Variants in IL1RAPL2 observed in about 807,000 individuals in gnomAD.
The protein encoded by IL1RAPL2 is X-linked interleukin-1 receptor accessory protein-like 2.
In IL1RAPL2, 3 loss-of-function variants were observed where a neutral mutation model predicts 44.1. The ratio of observed to expected loss-of-function variants is 0.07; its 90% CI spans 0.03 to 0.18. IL1RAPL2 has a LOEUF of 0.18. Among genes scored for constraint, IL1RAPL2 ranks in the 10% least tolerant of loss-of-function variants. IL1RAPL2 has a pLI of 1.00. For synonymous variants in IL1RAPL2, 181 were observed against 178.8 expected, an observed-to-expected ratio of 1.01 and a Z score of -0.10; for missense variants, 391 against 496.4, an observed-to-expected ratio of 0.79 and a Z score of 2.02.
chrX:104,568,772 C>G (rs1313726248), intron 1 of IL1RAPL2, among the ~76,000 whole-genome samples: 2 of 111,511 alleles, frequency 1.8e-5, no homozygotes, highest in Non-Finnish European at 3.8e-5. Flanking sequence ...ATTCCTGAGC[C>G]GAGGCTTCAG....
chrX:104,908,691 T>C (rs1464210265), intron 2 of IL1RAPL2, among the ~76,000 whole-genome samples: 1 of 110,859 alleles, frequency 9.0e-6, no homozygotes, highest in East Asian at 2.8e-4. Context: ...TCTGATGGGC[T>C]TCCCTTTGAG....
chrX:104,893,859 T>C (rs1923547783), intron 2 of IL1RAPL2, among the ~76,000 whole-genome samples: 1 of 112,108 alleles, frequency 8.9e-6, no homozygotes, highest in South Asian at 3.7e-4. Context: ...TGCTCATTAA[T>C]TGATGCAGTT....
At chrX:105,145,394 A>G (rs1472713530) in intron 2 of IL1RAPL2, among the ~76,000 whole-genome samples, 2 of 111,605 alleles carry the variant, frequency 1.8e-5, no homozygotes, top group African/African-American at 3.3e-5. Context: ...TGTTTCCTGT[A>G]GTCCCTAAAA....
intron 6 of IL1RAPL2, among the ~76,000 whole-genome samples, chrX:105,503,878 C>A (rs1459032124): frequency 9.0e-6 from 1 of 111,591 alleles, no homozygotes; most frequent in African/African-American, 3.3e-5. Context: ...CTTGTGTCTC[C>A]TTTTGTCTTC....
chrX:105,312,762 T>C (rs1006897004), intron 5 of IL1RAPL2, among the ~76,000 whole-genome samples: 1 of 111,340 alleles, frequency 9.0e-6, no homozygotes, highest in Admixed American at 9.6e-5. Flanking sequence ...TGTAAGGTAA[T>C]GCACATGTTA....
intron 5 of IL1RAPL2, among the ~76,000 whole-genome samples, chrX:105,430,060 A>T (rs923271872): frequency 1.8e-5 from 2 of 111,537 alleles, no homozygotes; most frequent in Admixed American, 9.5e-5. Flanking sequence ...CTCATGACCT[A>T]TTTTCCAGAA....
chrX:104,964,533 G>T (rs1049167528), intron 2 of IL1RAPL2, among the ~76,000 whole-genome samples: 9 of 109,334 alleles, frequency 8.2e-5, no homozygotes, highest in African/African-American at 3.0e-4. Flanking sequence ...GGATGGTCTC[G>T]ATCTCCTGAC....
chrX:105,519,560 G>C (rs1265468125), intron 6 of IL1RAPL2, among the ~76,000 whole-genome samples: 2 of 111,399 alleles, frequency 1.8e-5, no homozygotes, highest in Non-Finnish European at 3.8e-5. Context: ...TAGGGCTCAA[G>C]CAGTCTGTGA....
chrX:105,465,551 G>C (rs970764051), intron 5 of IL1RAPL2, among the ~76,000 whole-genome samples: 3 of 111,686 alleles, frequency 2.7e-5, no homozygotes, highest in Non-Finnish European at 5.7e-5. Context: ...AATGTACTAG[G>C]ATGTTAATAT....
intron 2 of IL1RAPL2, among the ~76,000 whole-genome samples, chrX:104,851,912 G>A (rs1922236202): frequency 9.0e-6 from 1 of 111,271 alleles, no homozygotes; most frequent in African/African-American, 3.3e-5. Flanking sequence ...CCAGTCTTTT[G>A]AGAATGAAAA....
At chrX:104,713,425 A>C (rs1358343535) in intron 2 of IL1RAPL2, among the ~76,000 whole-genome samples, 1 of 110,983 alleles carries the variant, frequency 9.0e-6, no homozygotes, top group African/African-American at 3.3e-5. Context: ...AAATTGTTTA[A>C]AATGTAATCC....
At chrX:105,442,152 G>A (rs1034473837) in intron 5 of IL1RAPL2, among the ~76,000 whole-genome samples, 10 of 109,980 alleles carry the variant, frequency 9.1e-5, no homozygotes, top group East Asian at 5.7e-4. Flanking sequence ...CTGGGTTCAC[G>A]CCATTCTCCC....
At chrX:104,814,764 A>G (rs958495938) in intron 2 of IL1RAPL2, among the ~76,000 whole-genome samples, 4 of 112,282 alleles carry the variant, frequency 3.6e-5, no homozygotes, top group African/African-American at 1.3e-4. Flanking sequence ...GGCAGTCTGC[A>G]TTATACAAGA....
At chrX:105,702,253 C>T (rs1014880297) in intron 6 of IL1RAPL2, among the ~76,000 whole-genome samples, 4 of 111,284 alleles carry the variant, frequency 3.6e-5, no homozygotes, top group Admixed American at 1.9e-4. Flanking sequence ...TGTGAATAAT[C>T]GGTTGGTGCA....
chrX:105,222,103 C>T (rs1315719278), intron 3 of IL1RAPL2, among the ~76,000 whole-genome samples: 2 of 111,719 alleles, frequency 1.8e-5, no homozygotes, highest in African/African-American at 3.3e-5. Flanking sequence ...ATTAGAATCT[C>T]ACCCCAGGAT....
At chrX:105,299,713 TG>T (rs758923186) in intron 5 of IL1RAPL2, among the ~76,000 whole-genome samples, 8 of 111,931 alleles carry the variant, frequency 7.1e-5, no homozygotes, top group Admixed American at 1.9e-4. Flanking sequence ...ATAGGAACAA[TG>T]GGGTGCAAAT....
chrX:105,079,860 C>T (rs2032377514), intron 2 of IL1RAPL2, among the ~76,000 whole-genome samples: 1 of 111,160 alleles, frequency 9.0e-6, no homozygotes, highest in Non-Finnish European at 1.9e-5. Flanking sequence ...TCTCCAGCAT[C>T]TGTTGTTTCC....
At chrX:105,646,199 C>T (rs1010089402) in intron 6 of IL1RAPL2, among the ~76,000 whole-genome samples, 1 of 111,202 alleles carries the variant, frequency 9.0e-6, no homozygotes, top group South Asian at 3.8e-4. Context: ...TAGCAATTGG[C>T]GGGAGGGCAA....
intron 3 of IL1RAPL2, among the ~76,000 whole-genome samples, chrX:105,225,694 A>ATTTTATTTTT (rs1556187995): frequency 1.9e-5 from 2 of 106,234 alleles, no homozygotes; most frequent in Non-Finnish European, 3.9e-5. Context: ...ATTTTATTTT[A>ATTTTATTTTT]TTTTTTTTTC....
Sources: allele counts gnomAD v4.1 joint callset (sites outside exome capture counted in the v4.1 genomes callset), GRCh38; gene constraint gnomAD v4.1.1; transcripts MANE v1.5; gene names NCBI Gene and HGNC (gene_info 2026-07-23, HGNC 2026-07-21).